Variants in PSD3 observed in about 807,000 individuals in gnomAD.
PSD3 encodes pleckstrin and Sec7 domain containing 3.
PSD3 carries 49 observed loss-of-function variants against 105.5 expected under a neutral mutation model. That is an observed-to-expected ratio of 0.46 (90% CI 0.37 to 0.59). The LOEUF (loss-of-function observed/expected upper bound fraction) is 0.59. Ranked by LOEUF, PSD3 falls within the 20% of genes least tolerant of loss-of-function variation. PSD3 has a pLI of 0.00. For missense variants in PSD3, 1,561 were observed against 1,263.8 expected (o/e 1.24, Z -3.57); for synonymous variants, 557 against 457.8 (o/e 1.22, Z -2.77).
chr8:18,907,802 TAACA>T (rs1394636569), intron 2 of PSD3, among the ~76,000 whole-genome samples: 1 of 152,174 alleles, frequency 6.6e-6, no homozygotes, highest in African/African-American at 2.4e-5. Context: ...AACAGACAAA[TAACA>T]AACAGTAACA....
At chr8:18,642,912 G>A (rs1263233793) in intron 10 of PSD3, among the ~76,000 whole-genome samples, 2 of 152,152 alleles carry the variant, frequency 1.3e-5, no homozygotes, top group African/African-American at 4.8e-5. Flanking sequence ...CTATACACCT[G>A]AGTTCAGCTG....
chr8:19,019,258 T>G (rs1289441472), intron 1 of PSD3, among the ~76,000 whole-genome samples: 1 of 152,214 alleles, frequency 6.6e-6, no homozygotes, highest in Non-Finnish European at 1.5e-5. Context: ...CTCATTTTTT[T>G]TTATCTCTAT....
intron 14 of PSD3, among the ~76,000 whole-genome samples, chr8:18,567,814 A>G (rs1041431741): frequency 1.3e-5 from 2 of 152,118 alleles, no homozygotes; most frequent in East Asian, 1.9e-4. Flanking sequence ...AGGTTATCCA[A>G]TGATATAGTT....
At chr8:18,863,355 T>G (rs1816594193) in intron 4 of PSD3, among the ~76,000 whole-genome samples, 1 of 152,138 alleles carries the variant, frequency 6.6e-6, no homozygotes, top group Non-Finnish European at 1.5e-5. Context: ...CTAATTATCC[T>G]TTCTAATTTT....
intron 9 of PSD3, among the ~76,000 whole-genome samples, chr8:18,712,640 C>T (rs555012456): frequency 1.3e-5 from 2 of 152,122 alleles, no homozygotes; most frequent in South Asian, 4.2e-4. Flanking sequence ...TAATAAATAG[C>T]CTCCCAACCA....
At chr8:19,006,211 T>C (rs1350594827) in intron 1 of PSD3, among the ~76,000 whole-genome samples, 1 of 148,510 alleles carries the variant, frequency 6.7e-6, no homozygotes, top group Non-Finnish European at 1.5e-5. Context: ...GAGAATCACT[T>C]GAACCCGGGA....
Position 18,949,236 on chromosome 8 carries a change from AAAAAAAAAATATATAT to A in PSD3, c.22-13110_22-13095del, listed in dbSNP as rs1399911981. ...GACTCTGTCTCAAAAAAAAAAAAAA[AAAAAAAAAATATATAT>A]ATATATATATATATATATATATATA... is the stretch of plus-strand genomic sequence containing the variant. On this transcript the variant is annotated intron_variant, in intron 1 of 15. Coordinates refer to ENST00000327040, the MANE Select transcript of PSD3 (RefSeq NM_015310.4). Among the ~76,000 whole-genome samples, 215 of 54,368 alleles carry A rather than the reference AAAAAAAAAATATATAT, an allele frequency of 4.0e-3. 2 individuals carry two copies. The highest frequency in any genetic ancestry group is 0.013 in the African/African-American group (206 of 15,966). 35.7% of individuals were successfully genotyped at this position (54,368 alleles called of 152,430 possible). A position where few individuals can be genotyped will look rare whatever the true frequency, so the allele number is the denominator to read the frequency against.
At chr8:18,661,199 CATT>C (rs1204032940) in intron 9 of PSD3, among the ~76,000 whole-genome samples, 7 of 152,132 alleles carry the variant, frequency 4.6e-5, no homozygotes, top group Non-Finnish European at 7.4e-5. Context: ...GTTCCTGAAT[CATT>C]ATGAAAAGTA....
At chr8:18,776,734 C>G (rs1808134045) in intron 8 of PSD3, among the ~76,000 whole-genome samples, 1 of 152,150 alleles carries the variant, frequency 6.6e-6, no homozygotes, top group South Asian at 2.1e-4. Flanking sequence ...TCATGAGCTT[C>G]CCTTTGATGG....
chr8:19,065,270 T>C (rs185380533), intron 1 of PSD3, among the ~76,000 whole-genome samples: 1 of 152,376 alleles, frequency 6.6e-6, no homozygotes, highest in East Asian at 1.9e-4. Context: ...AGAAGATTTC[T>C]GTGACCAAAC....
At chr8:18,986,246 T>C (rs1825490491) in intron 1 of PSD3, among the ~76,000 whole-genome samples, 2 of 152,198 alleles carry the variant, frequency 1.3e-5, no homozygotes, top group Admixed American at 6.5e-5. Flanking sequence ...ATGACTGTCA[T>C]TAGAACTTCA....
chr8:18,595,274 G>T, intron 12 of PSD3, among the ~76,000 whole-genome samples: 1 of 76,888 alleles, frequency 1.3e-5, no homozygotes, highest in African/African-American at 4.1e-5. Context: ...ATAAAGAAAT[G>T]TTATTACAAA....
intron 9 of PSD3, among the ~76,000 whole-genome samples, chr8:18,687,031 G>A (rs1023476698): frequency 6.6e-6 from 1 of 152,182 alleles, no homozygotes; most frequent in African/African-American, 2.4e-5. Context: ...ATAGCTGTTT[G>A]AAATTACCTG....
chr8:18,558,390 T>A (rs897708494), intron 14 of PSD3, among the ~76,000 whole-genome samples: 2 of 152,202 alleles, frequency 1.3e-5, no homozygotes, highest in African/African-American at 4.8e-5. Context: ...TATTGAATGA[T>A]ATATGAAAAA....
chr8:18,867,022 A>C (rs1046125113), intron 4 of PSD3, among the ~76,000 whole-genome samples: 29 of 152,168 alleles, frequency 1.9e-4, no homozygotes, highest in African/African-American at 7.0e-4. Context: ...CGGAATCCCC[A>C]AATAACAGGC....
chr8:18,836,731 C>T (rs780081992), intron 4 of PSD3, among the ~76,000 whole-genome samples: 21 of 152,004 alleles, frequency 1.4e-4, no homozygotes, highest in Non-Finnish European at 2.5e-4. Flanking sequence ...ACTGATAATA[C>T]TGAATACAAT....
rs575529342 is a variant in PSD3 at position 18,699,864 on chromosome 8, C to T, written c.2173-44179G>A. ...TGTACAAACAATAATGAGATCCCCA[C>T]CCAAAAAAAAAAACCACAAAAATCA... On this transcript the variant is annotated intron_variant, in intron 9 of 15. Coordinates refer to ENST00000327040, the MANE Select transcript of PSD3 (RefSeq NM_015310.4). Among the ~76,000 whole-genome samples the T allele has an allele frequency of 4.0e-5, 6 of 150,688 alleles. No individual in the cohort carries two copies. In the East Asian group the frequency reaches 9.7e-4, roughly 24 times the overall value.
At chr8:18,839,360 C>A (rs1376936843) in intron 4 of PSD3, among the ~76,000 whole-genome samples, 1 of 152,106 alleles carries the variant, frequency 6.6e-6, no homozygotes, top group African/African-American at 2.4e-5. Context: ...AAGCATGAAA[C>A]AGGATAAACA....
At chr8:19,003,372 A>G (rs912297065) in intron 1 of PSD3, among the ~76,000 whole-genome samples, 1 of 151,712 alleles carries the variant, frequency 6.6e-6, no homozygotes, top group African/African-American at 2.4e-5. Flanking sequence ...ACTGAGCAAG[A>G]CCCCGTCTTT....
Sources: gnomAD v4.1 joint callset for allele counts (sites outside exome capture counted in the v4.1 genomes callset) on GRCh38, gnomAD v4.1.1 for gene constraint, MANE v1.5 for transcripts, NCBI Gene and HGNC (gene_info 2026-07-23, HGNC 2026-07-21) for gene names.